SLC24A2: variants seen among roughly 807,000 people sequenced by gnomAD.
SLC24A2 encodes solute carrier family 24 member 2, also known as sodium/potassium/calcium exchanger 2.
Under a neutral mutation model 62.0 loss-of-function variants are expected in SLC24A2, and 36 were observed. The ratio of observed to expected loss-of-function variants is 0.58; its 90% CI spans 0.44 to 0.77. The LOEUF is 0.77. SLC24A2 is among the 30% of genes least tolerant of loss of function. SLC24A2 has a pLI of 0.00. For missense variants in SLC24A2, 846 were observed against 817.9 expected (o/e 1.03, Z -0.42); for synonymous variants, 358 against 294.0 (o/e 1.22, Z -2.23).
chr9:19,636,318 T>TCTTTTCTTTTC (rs1554690366), intron 2 of SLC24A2, among the ~76,000 whole-genome samples: 941 of 32,194 alleles, frequency 0.029, 72 homozygotes, highest in Middle Eastern at 0.036. Flanking sequence ...TCTTTTCTTT[T>TCTTTTCTTTTC]CTTTCTTTCT....
At chr9:20,013,738 G>C in the SLC24A2 span, among the ~76,000 whole-genome samples, 2 of 152,088 alleles carry the variant, frequency 1.3e-5, no homozygotes, top group African/African-American at 4.8e-5. Flanking sequence ...TGTGTAGTAA[G>C]AAAATAACCT....
chr9:19,956,845 T>C, the SLC24A2 span, among the ~76,000 whole-genome samples: 1 of 152,172 alleles, frequency 6.6e-6, no homozygotes, highest in East Asian at 1.9e-4. Context: ...ATGAATGGGA[T>C]TGGTGCCCTT....
At chr9:19,991,754 T>C in the SLC24A2 span, among the ~76,000 whole-genome samples, 1 of 152,126 alleles carries the variant, frequency 6.6e-6, no homozygotes. Context: ...GAAAAAGCAA[T>C]ATGATGAGAT....
chr9:19,947,816 G>GAAAGAAAGAAAGAAAGAA, the SLC24A2 span, among the ~76,000 whole-genome samples: 3 of 97,472 alleles, frequency 3.1e-5, 1 homozygote, highest in South Asian at 1.3e-3. Flanking sequence ...AAAAAAGAAA[G>GAAAGAAAGAAAGAAAGAA]AAAGAAAGAA....
At chr9:20,154,040 G>T in the SLC24A2 span, among the ~76,000 whole-genome samples, 4 of 151,764 alleles carry the variant, frequency 2.6e-5, no homozygotes, top group East Asian at 5.8e-4. Context: ...TCTAAATATG[G>T]ATATTTTGTT....
At chr9:19,719,764 A>G (rs956041595) in intron 2 of SLC24A2, among the ~76,000 whole-genome samples, 3 of 152,216 alleles carry the variant, frequency 2.0e-5, no homozygotes, top group Admixed American at 6.5e-5. Flanking sequence ...GATGTCTGAG[A>G]AGGTTTTTAT....
At chr9:20,121,649 C>G in the SLC24A2 span, among the ~76,000 whole-genome samples, 20 of 151,980 alleles carry the variant, frequency 1.3e-4, no homozygotes, top group Middle Eastern at 3.2e-3. Flanking sequence ...TTTTTTCCAG[C>G]AAATTTATAA....
At chr9:19,909,058 A>T in the SLC24A2 span, among the ~76,000 whole-genome samples, 1 of 152,308 alleles carries the variant, frequency 6.6e-6, no homozygotes. Context: ...CACTATTCAC[A>T]ATAGCAAAGA....
At chr9:20,216,660 A>G in the SLC24A2 span, among the ~76,000 whole-genome samples, 2 of 152,202 alleles carry the variant, frequency 1.3e-5, no homozygotes, top group African/African-American at 4.8e-5. Flanking sequence ...TTGGTAGGTT[A>G]AATGGACAGA....
chr9:20,052,239 T>C, the SLC24A2 span, among the ~76,000 whole-genome samples: 51 of 152,158 alleles, frequency 3.4e-4, no homozygotes, highest in Non-Finnish European at 6.5e-4. Context: ...CATTGTCATG[T>C]TTGCACTTGC....
chr9:19,761,751 G>T (rs1011524036), intron 2 of SLC24A2, among the ~76,000 whole-genome samples: 1 of 151,916 alleles, frequency 6.6e-6, no homozygotes, highest in African/African-American at 2.4e-5. Flanking sequence ...TTGTCCTTGC[G>T]ATAGTTTGCT....
chr9:20,181,100 G>C, the SLC24A2 span, among the ~76,000 whole-genome samples: 3 of 152,068 alleles, frequency 2.0e-5, no homozygotes, highest in Non-Finnish European at 4.4e-5. Context: ...GAAAACTCCA[G>C]GTACCAAATT....
the SLC24A2 span, among the ~76,000 whole-genome samples, chr9:19,980,951 A>G: frequency 0.013 from 2,025 of 152,200 alleles, 39 homozygotes; most frequent in African/African-American, 0.041. Flanking sequence ...ACTCCTAATC[A>G]CTTCACATTA....
the SLC24A2 span, among the ~76,000 whole-genome samples, chr9:20,250,876 C>T: frequency 6.6e-6 from 1 of 152,152 alleles, no homozygotes; most frequent in Admixed American, 6.5e-5. Context: ...TCTAGTGATC[C>T]TTCCCATTCT....
At chr9:20,228,468 T>C in the SLC24A2 span, among the ~76,000 whole-genome samples, 3,537 of 151,830 alleles carry the variant, frequency 0.023, 48 homozygotes, top group South Asian at 0.058. Flanking sequence ...GCACCCCAAA[T>C]TGTCTTTTAA....
chr9:19,778,123 C>A (rs1417589432), intron 2 of SLC24A2, among the ~76,000 whole-genome samples: 1 of 152,142 alleles, frequency 6.6e-6, no homozygotes, highest in Non-Finnish European at 1.5e-5. Flanking sequence ...TTTGAGAAAT[C>A]TATAGTCTGA....
At chr9:19,789,126 G>C (rs113636668), upstream of SLC24A2, among the ~76,000 whole-genome samples, 2,590 of 151,836 alleles carry the variant, frequency 0.017, 65 homozygotes, top group African/African-American at 0.048. Context: ...CGCTGGGAGC[G>C]GGGCCGCAGC....
intron 2 of SLC24A2, among the ~76,000 whole-genome samples, chr9:19,668,759 G>C (rs1376974956): frequency 3.3e-5 from 5 of 152,102 alleles, no homozygotes. Flanking sequence ...TCTCTTTCAT[G>C]GCCTCCACCA....
the SLC24A2 span, among the ~76,000 whole-genome samples, chr9:20,232,560 T>C: frequency 1.8e-4 from 28 of 152,346 alleles, no homozygotes; most frequent in East Asian, 4.4e-3. Flanking sequence ...TAGTTTGTAT[T>C]TCTGTGGGAT....
Sources: allele counts gnomAD v4.1 joint callset (sites outside exome capture counted in the v4.1 genomes callset), GRCh38; gene constraint gnomAD v4.1.1; transcripts MANE v1.5; gene names NCBI Gene and HGNC (gene_info 2026-07-23, HGNC 2026-07-21).